Variants in GMFB observed in about 807,000 individuals in gnomAD.
The protein encoded by GMFB is GMF-beta.
A neutral mutation model predicts 25.6 loss-of-function variants in GMFB; 13 were observed. That is an observed-to-expected ratio of 0.51 (90% CI 0.33 to 0.81). GMFB has a LOEUF of 0.81. Among genes scored for constraint, GMFB ranks in the 30% least tolerant of loss-of-function variants. The pLI is 0.02. For synonymous variants in GMFB, 57 were observed against 56.9 expected (o/e 1.00, Z 0.00); for missense variants, 146 against 175.4 (o/e 0.83, Z 0.95).
At chr14:54,486,875 G>C (rs530072262) in intron 1 of GMFB, among the ~76,000 whole-genome samples, 1 of 132,446 alleles carries the variant, frequency 7.6e-6, no homozygotes, top group Admixed American at 7.9e-5. Flanking sequence ...GGTGGTGACA[G>C]ATTGGATATT....
chr14:54,483,580 T>C, intron 2 of GMFB, 91 bp downstream of exon 2: 1 of 684,828 alleles, frequency 1.5e-6, no homozygotes, highest in African/African-American at 1.8e-5. Flanking sequence ...GAAGTAACAT[T>C]GCTTTCCAAC....
chr14:54,476,986 A>G lies in GMFB; in HGVS notation c.*1102T>C, dbSNP rs1036808875. 1.4e-4 allele frequency: 22 copies of G among 152,042 alleles called. No individual in the cohort carries two copies. The highest frequency in any genetic ancestry group is 5.1e-4 in the African/African-American group (21 of 41,434). 9.4% of individuals were successfully genotyped at this position (152,042 alleles called of 1,614,324 possible). A position where few individuals can be genotyped will look rare whatever the true frequency, so the allele number is the denominator to read the frequency against. Reference sequence around the variant, plus strand: ...CAGAATATCTTCTGACATTTAGGATATAAGATGTGATTGCTATTGAAGTGT... The same window carrying G: ...CAGAATATCTTCTGACATTTAGGATGTAAGATGTGATTGCTATTGAAGTGT... On this transcript the variant is annotated 3_prime_UTR_variant, in exon 7 of 7. Coordinates refer to ENST00000358056, the MANE Select transcript of GMFB (RefSeq NM_004124.3).
At chr14:54,480,172 A>T (rs1316917252) in intron 5 of GMFB, 2 of 226,912 alleles carry the variant, frequency 8.8e-6, no homozygotes, top group Non-Finnish European at 1.7e-5. Context: ...ACTAAATATC[A>T]AGATCAATTT....
Position 54,479,823 on chromosome 14 carries a change from C to T in GMFB, c.320G>A (p.Ser107Asn). The T allele has an allele frequency of 3.7e-6, 6 of 1,606,042 alleles. No homozygotes were observed. Among genetic ancestry groups the T allele is most frequent in the Non-Finnish European group, 4.3e-6 (5 of 1,173,038 alleles). Residue 107 changes from serine to asparagine, a missense_variant, in exon 6 of 7, where the codon AGT (serine) becomes AAT (asparagine). Ser to Asn is a conservative substitution (Grantham distance 46). Coordinates refer to ENST00000358056, the MANE Select transcript of GMFB (RefSeq NM_004124.3). ...AGCTGTCTGGACTAGCTTATTCTTACTTCCAGCATACATCATCTGTTGTTC... is the reference window on the plus strand; with the variant it reads ...AGCTGTCTGGACTAGCTTATTCTTATTTCCAGCATACATCATCTGTTGTTC... ...KPEQQMMYAG[S>N]KNKLVQTAEL...
intron 1 of GMFB, among the ~76,000 whole-genome samples, chr14:54,488,146 T>TC (rs1226888982): frequency 6.6e-6 from 1 of 152,176 alleles, no homozygotes; most frequent in East Asian, 1.9e-4. Context: ...GAGAGCAGTG[T>TC]TTTGTTGTTT....
At chr14:54,486,531 T>G (rs2140036537) in intron 1 of GMFB, among the ~76,000 whole-genome samples, 1 of 152,254 alleles carries the variant, frequency 6.6e-6, no homozygotes, top group Admixed American at 6.5e-5. Flanking sequence ...ACCTACAGAA[T>G]GGGAGAAAAT....
At chr14:54,487,302 C>G (rs761638485) in intron 1 of GMFB, among the ~76,000 whole-genome samples, 4,604 of 151,634 alleles carry the variant, frequency 0.03, 152 homozygotes, top group East Asian at 0.098. Flanking sequence ...GAGGCCGAGG[C>G]AGGTGGATCA....
chr14:54,475,541 T>C lies in GMFB; in HGVS notation c.*2547A>G, dbSNP rs1404915463. The C allele has an allele frequency of 1.3e-5, 2 of 152,556 alleles. No individual in the cohort carries two copies. The highest frequency in any genetic ancestry group is 2.9e-5 in the Non-Finnish European group (2 of 67,966). 9.5% of individuals were successfully genotyped at this position (152,556 alleles called of 1,614,324 possible). On this transcript the variant is annotated 3_prime_UTR_variant, in exon 7 of 7. Transcript: ENST00000358056. ...TTAAACAAAAACAGTCAACCAACTT[T>C]TTTCCTAATATAATTGCGTCAATAC...
chr14:54,483,891 T>C (rs1368860135), intron 1 of GMFB, 124 bp from the exon 2 acceptor site: 2 of 715,354 alleles, frequency 2.8e-6, no homozygotes, highest in Non-Finnish European at 5.1e-6. Context: ...AGTGAAAGCA[T>C]TAAATACATG....
chr14:54,479,518 C>T (rs906864215), intron 6 of GMFB: 9 of 346,552 alleles, frequency 2.6e-5, no homozygotes, highest in Non-Finnish European at 4.2e-5. Context: ...AACTAACTCT[C>T]AATAGATTTA....
rs1225359012 is a variant in GMFB, at chr14:54,477,548, TAA to T, written c.*538_*539del. 6.6e-6 allele frequency: 1 copy of T among 152,032 alleles called. No individual in the cohort carries two copies. The highest frequency in any genetic ancestry group is 1.5e-5 in the Non-Finnish European group (1 of 67,908). 9.4% of individuals were successfully genotyped at this position (152,032 alleles called of 1,614,324 possible). ...GATGAACATAGTTTCTAGACTTGAT[TAA>T]AAAGATACAGGAAACCAAAGAAGAT... On this transcript the variant is annotated 3_prime_UTR_variant, in exon 7 of 7. Transcript: ENST00000358056.
chr14:54,479,498 A>G (rs1322795439), intron 6 of GMFB: 1 of 293,616 alleles, frequency 3.4e-6, no homozygotes, highest in Non-Finnish European at 6.4e-6. Flanking sequence ...AAATTACCTT[A>G]TGGCAGATAA....
In GMFB at chr14:54,477,747, G is replaced by A. The variant is rs1174563550; in HGVS notation, c.*341C>T. 4 of 185,428 alleles carry A rather than the reference G, an allele frequency of 2.2e-5. No homozygotes were observed. Among genetic ancestry groups the A allele is most frequent in the Non-Finnish European group, 3.3e-5 (3 of 90,490 alleles). 11.5% of individuals were successfully genotyped at this position (185,428 alleles called of 1,614,324 possible). ...CAGTATTTGTCAAAAGGAGGCAACT[G>A]TTGTCTCTCACAATCTAATATATCC... On this transcript the variant is annotated 3_prime_UTR_variant, in exon 7 of 7. Transcript: ENST00000358056.
intron 2 of GMFB, 91 bp from the exon 3 acceptor site, chr14:54,482,293 T>C (rs1028785016): frequency 2.6e-6 from 2 of 769,476 alleles, no homozygotes; most frequent in African/African-American, 3.5e-5. Flanking sequence ...TTTTCGGACA[T>C]CTAAAATTAA....
chr14:54,481,593 A>C, intron 3 of GMFB, 135 bp from the exon 4 acceptor site: 1 of 629,386 alleles, frequency 1.6e-6, no homozygotes, highest in South Asian at 1.9e-5. Flanking sequence ...ATCTTACTAA[A>C]TTATACATAA....
At chr14:54,482,591 C>G (rs186894769) in intron 2 of GMFB, among the ~76,000 whole-genome samples, 4 of 152,106 alleles carry the variant, frequency 2.6e-5, no homozygotes, top group African/African-American at 9.7e-5. Flanking sequence ...AGTGCCTGAT[C>G]GGGGATCAAA....
chr14:54,481,368 C>T lies in GMFB; in HGVS notation c.200+41G>A, dbSNP rs377628380. 1.6e-5 allele frequency: 22 copies of T among 1,360,720 alleles called. No individual in the cohort carries two copies. In the African/African-American group the frequency reaches 3.0e-4, roughly 19 times the overall value. 84.3% of individuals were successfully genotyped at this position (1,360,720 alleles called of 1,614,324 possible). On this transcript the variant is annotated intron_variant, in intron 4 of 6. Transcript: ENST00000358056. ...ATGAGCTCACAAACAGGTCTGACCACTAAAGAAAATAAATCTTTTAAAGCA... is the reference window on the plus strand; with the variant it reads ...ATGAGCTCACAAACAGGTCTGACCATTAAAGAAAATAAATCTTTTAAAGCA...
chr14:54,476,618 CA>C lies in GMFB; in HGVS notation c.*1469del, dbSNP rs952291298. ...TGACTTCTAAATTAGTGAAGCCAAA[CA>C]GTGTTGGGAACAGAAGATGTTCTAT... is the stretch of plus-strand genomic sequence containing the variant. On this transcript the variant is annotated 3_prime_UTR_variant, in exon 7 of 7. Coordinates refer to ENST00000358056, the MANE Select transcript of GMFB (RefSeq NM_004124.3). 6.6e-6 allele frequency: 1 copy of C among 152,002 alleles called. No individual in the cohort carries two copies. The highest frequency in any genetic ancestry group is 2.4e-5 in the African/African-American group (1 of 41,426). 9.4% of individuals were successfully genotyped at this position (152,002 alleles called of 1,614,324 possible).
chr14:54,487,257 C>A (rs943497600), intron 1 of GMFB, among the ~76,000 whole-genome samples: 1 of 152,116 alleles, frequency 6.6e-6, no homozygotes, highest in Admixed American at 6.5e-5. Flanking sequence ...TAGGGCCGGG[C>A]GCGGTGGCTC....
Sources: gnomAD v4.1 joint callset for allele counts (sites outside exome capture counted in the v4.1 genomes callset) on GRCh38, gnomAD v4.1.1 for gene constraint, MANE v1.5 for transcripts, NCBI Gene and HGNC (gene_info 2026-07-23, HGNC 2026-07-21) for gene names.